Variants in MYOC observed in about 807,000 individuals in gnomAD.
MYOC encodes the protein myocilin.
Under a neutral mutation model 28.2 loss-of-function variants are expected in MYOC, and 29 were observed. The ratio of observed to expected loss-of-function variants is 1.03; its 90% CI spans 0.77 to 1.40. The LOEUF is 1.40. Ranked by LOEUF, MYOC falls within the 40% of genes most tolerant of loss-of-function variation. The probability of loss-of-function intolerance (pLI) is 0.00; values close to 1 mark genes in which losing one functional copy is unlikely to be tolerated. For synonymous variants in MYOC, 240 were observed against 245.6 expected, an observed-to-expected ratio of 0.98 and a Z score of 0.21; for missense variants, 569 against 620.6, an observed-to-expected ratio of 0.92 and a Z score of 0.88.
At chr1:171,638,862 G>A (rs1281318316) in intron 1 of MYOC, 140 bp from the exon 2 acceptor site, 1 of 862,150 alleles carries the variant, frequency 1.2e-6, no homozygotes, top group East Asian at 2.8e-5. Flanking sequence ...GGGAGGCCGA[G>A]GCAGGCGGAT....
chr1:171,639,001 C>T (rs923706039), intron 1 of MYOC, among the ~76,000 whole-genome samples: 2 of 152,208 alleles, frequency 1.3e-5, no homozygotes, highest in South Asian at 2.1e-4. Flanking sequence ...GAGACTGAGG[C>T]AGGAGAATTG....
chr1:171,648,668 A>G (rs2102949746), intron 1 of MYOC, among the ~76,000 whole-genome samples: 1 of 147,826 alleles, frequency 6.8e-6, no homozygotes, highest in Non-Finnish European at 1.5e-5. Flanking sequence ...ATAATTATAT[A>G]TATTTATATG....
At chr1:171,643,440 G>A (rs1263521807) in intron 1 of MYOC, 1 of 152,482 alleles carries the variant, frequency 6.6e-6, no homozygotes, top group Admixed American at 6.5e-5. Flanking sequence ...CTTAGGCCCA[G>A]AACACACACC....
chr1:171,645,570 G>T lies in MYOC; in HGVS notation c.604+6438C>A, dbSNP rs376135523. On this transcript the variant is annotated intron_variant, in intron 1 of 2. Coordinates refer to ENST00000037502, the MANE Select transcript of MYOC (RefSeq NM_000261.2). ...CTATCTATAGTTGCTCTTTCATCAC[G>T]GTTAGTAATTCTTTAAAGTAAACTT... Among the ~76,000 whole-genome samples, 325 of 152,298 alleles carry T rather than the reference G, an allele frequency of 2.1e-3. 2 individuals carry two copies. Among genetic ancestry groups the T allele is most frequent in the African/African-American group, 7.4e-3 (306 of 41,556 alleles).
In MYOC at chr1:171,636,153, G is replaced by C. The variant is rs766610033; in HGVS notation, c.1287C>G (p.Ala429=). Residue 429 remains alanine (A), a synonymous_variant, in exon 3 of 3, where the codon GCC becomes GCG. Transcript: ENST00000037502. ...TGTACAAGGTGCCACAGATGATGAA[G>C]GCATTGGCGACTGACTGCTTACGGA... ...TNIRKQSVAN[A]FIICGTLYTV... is the part of the protein sequence containing the mutation. 5.0e-6 allele frequency: 8 copies of C among 1,614,188 alleles called. No individual in the cohort carries two copies. In the Admixed American group the frequency reaches 1.2e-4, roughly 24 times the overall value.
chr1:171,636,816 TG>T, intron 2 of MYOC, 107 bp from the exon 3 acceptor site: 1 of 1,232,164 alleles, frequency 8.1e-7, no homozygotes, highest in Non-Finnish European at 1.2e-6. Context: ...GTGACAGCCC[TG>T]GAGACAAATC....
intron 2 of MYOC, among the ~76,000 whole-genome samples, chr1:171,637,204 G>C (rs1223197017): frequency 1.3e-5 from 2 of 152,102 alleles, no homozygotes; most frequent in Admixed American, 6.5e-5. Context: ...AGGGACCCAT[G>C]GGTGTTCATT....
chr1:171,642,664 G>GT (rs144713010), intron 1 of MYOC, among the ~76,000 whole-genome samples: 22,736 of 151,392 alleles, frequency 0.15, 1,868 homozygotes, highest in Middle Eastern at 0.35. Flanking sequence ...AAATGTATAT[G>GT]TAACTGAGGA....
chr1:171,636,587 T>G lies in MYOC; in HGVS notation c.853A>C (p.Thr285Pro), dbSNP rs755159007. 1.2e-6 allele frequency: 2 copies of G among 1,611,708 alleles called. No individual in the cohort carries two copies. Among genetic ancestry groups the G allele is most frequent in the East Asian group, 4.5e-5 (2 of 44,854 alleles). The change falls in exon 3 of 3, where the codon ACG (threonine) becomes CCG (proline). Residue 285 changes from threonine to proline, a missense_variant. By Grantham distance (38) the Thr-to-Pro change is conservative. Coordinates refer to ENST00000037502, the MANE Select transcript of MYOC (RefSeq NM_000261.2). ...GTGCCAACTGTGTCGATTCTCCACG[T>G]GGTCTCCTGGGTGTAGGGGTAGGTG... ...KPTYPYTQET[T>P]WRIDTVGTDV...
rs775144745 is a variant in MYOC, at chr1:171,635,871, C to G, written c.*54G>C. The G allele has an allele frequency of 6.9e-6, 11 of 1,596,924 alleles. No individual in the cohort carries two copies. The highest frequency in any genetic ancestry group is 3.4e-5 in the Admixed American group (2 of 58,590). On this transcript the variant is annotated 3_prime_UTR_variant, in exon 3 of 3. Transcript: ENST00000037502. ...CTGGCTCTCCCTTCAGCCTGCTCCC[C>G]CCAGGAGCCCTGAGCATCTCCTTCT...
chr1:171,652,680 T>A lies in MYOC; in HGVS notation c.-69A>T. On this transcript the variant is annotated 5_prime_UTR_variant, in exon 1 of 3. Coordinates refer to ENST00000037502, the MANE Select transcript of MYOC (RefSeq NM_000261.2). Reference sequence around the variant, plus strand: ...TGAGAGGTGCCTGGATGGGTGGCCTTGCTGGCTCATGCCCGAGCTCCAGAG... The same window carrying A: ...TGAGAGGTGCCTGGATGGGTGGCCTAGCTGGCTCATGCCCGAGCTCCAGAG... 1 of 1,606,002 alleles carries A rather than the reference T, an allele frequency of 6.2e-7. No homozygotes were observed.
chr1:171,652,107 T>C lies in MYOC; in HGVS notation c.505A>G (p.Arg169Gly), dbSNP rs761428873. 6 of 1,613,928 alleles carry C rather than the reference T, an allele frequency of 3.7e-6. No homozygotes were observed. In the Admixed American group the frequency reaches 6.7e-5, roughly 18 times the overall value. Residue 169 changes from arginine to glycine, a missense_variant, in exon 1 of 3, where the codon AGG (arginine) becomes GGG (glycine). Transcript: ENST00000037502. ...LRQENENLAR[R>G]LESSSQEVAR... ...ACCTCCTGGCTGCTGCTTTCCAACCTCCTGGCCAGATTCTCATTTTCTTGC... is the reference window on the plus strand; with the variant it reads ...ACCTCCTGGCTGCTGCTTTCCAACCCCCTGGCCAGATTCTCATTTTCTTGC...
At chr1:171,651,600 T>G (rs1653355753) in intron 1 of MYOC, among the ~76,000 whole-genome samples, 1 of 152,170 alleles carries the variant, frequency 6.6e-6, no homozygotes, top group South Asian at 2.1e-4. Flanking sequence ...CCAAATCTAT[T>G]GTAATTTCAT....
intron 1 of MYOC, among the ~76,000 whole-genome samples, chr1:171,645,373 T>G (rs1653175515): frequency 6.6e-6 from 1 of 152,082 alleles, no homozygotes; most frequent in African/African-American, 2.4e-5. Context: ...TGCCACACGT[T>G]GCAGGTTGCC....
intron 1 of MYOC, among the ~76,000 whole-genome samples, chr1:171,642,402 C>G (rs1653095704): frequency 6.6e-6 from 1 of 151,980 alleles, no homozygotes. Context: ...TGCATGAGGC[C>G]AAGAGTTTGG....
chr1:171,650,052 T>C (rs1006082485), intron 1 of MYOC, among the ~76,000 whole-genome samples: 3 of 152,120 alleles, frequency 2.0e-5, no homozygotes, highest in Non-Finnish European at 4.4e-5. Flanking sequence ...TTCAATATAA[T>C]GGGATGTTGC....
chr1:171,637,102 A>G (rs1652941268), intron 2 of MYOC, among the ~76,000 whole-genome samples: 1 of 152,174 alleles, frequency 6.6e-6, no homozygotes, highest in African/African-American at 2.4e-5. Context: ...GCTATAAAAT[A>G]TTTAAAGTAC....
chr1:171,636,631 C>A lies in MYOC; in HGVS notation c.809G>T (p.Trp270Leu). The A allele has an allele frequency of 1.9e-6, 3 of 1,612,080 alleles. No homozygotes were observed. The highest frequency in any genetic ancestry group is 2.5e-6 in the Non-Finnish European group (3 of 1,179,910). Residue 270 changes from tryptophan to leucine, a missense_variant, in exon 3 of 3, where the codon TGG becomes TTG. Transcript: ENST00000037502. Reference sequence around the variant, plus strand: ...GTAGGTGGGCTTGGGGTCTCGCATCCACACACCATACTTGCCAGTAATTGT... The same window carrying A: ...GTAGGTGGGCTTGGGGTCTCGCATCAACACACCATACTTGCCAGTAATTGT... The part of the protein sequence containing the change: ...AETITGKYGV[W>L]MRDPKPTYPY...
Position 171,636,451 on chromosome 1 carries a change from T to G in MYOC, c.989A>C (p.Tyr330Ser), listed in dbSNP as rs749735333. 5.6e-6 allele frequency: 9 copies of G among 1,613,928 alleles called. No individual in the cohort carries two copies. Among genetic ancestry groups the G allele is most frequent in the African/African-American group, 1.3e-5 (1 of 74,890 alleles). ...GCCCTGGAAATAGAGGCTCCCCGAG[T>G]ACACCACAGCACCCGTGCTTTCCAG... ...RPLESTGAVV[Y>S]SGSLYFQGAE... Residue 330 changes from tyrosine to serine, a missense_variant, in exon 3 of 3, where the codon TAC becomes TCC. By Grantham distance (144) the Tyr-to-Ser change is moderately radical. Coordinates refer to ENST00000037502, the MANE Select transcript of MYOC (RefSeq NM_000261.2).
Sources: allele counts gnomAD v4.1 joint callset (sites outside exome capture counted in the v4.1 genomes callset), GRCh38; gene constraint gnomAD v4.1.1; transcripts MANE v1.5; gene names NCBI Gene and HGNC (gene_info 2026-07-23, HGNC 2026-07-21).